The following HTD2 variants were observed in gnomAD, a reference collection of about 807,000 sequenced individuals.
HTD2 encodes the protein hydroxyacyl-thioester dehydratase type 2, mitochondrial.
A neutral mutation model predicts 3.1 loss-of-function variants in HTD2; 1 was observed. The observed-to-expected ratio is 0.32, with a 90% CI of 0.11 to 1.52. HTD2 has a LOEUF of 1.52. Among genes scored for constraint, HTD2 ranks in the 40% most tolerant of loss-of-function variants. The probability of loss-of-function intolerance (pLI) is 0.39; values close to 1 mark genes in which losing one functional copy is unlikely to be tolerated. For synonymous variants in HTD2, 50 were observed against 28.9 expected, an observed-to-expected ratio of 1.73 and a Z score of -2.34; for missense variants, 150 against 79.6, an observed-to-expected ratio of 1.88 and a Z score of -3.36.
chr3:58,308,923 G>A (rs1035348345), intron 1 of HTD2, among the ~76,000 whole-genome samples: 12 of 152,240 alleles, frequency 7.9e-5, no homozygotes, highest in Non-Finnish European at 1.3e-4. Flanking sequence ...AGCAAGGTTG[G>A]CATGGAGCCA....
At position 58,307,000 on chromosome 3, in the gene HTD2, T is replaced by G. The variant is rs138575294; in HGVS notation, c.-416+349T>G. Reference sequence around the variant, plus strand: ...GCACTGGGCCAACCCGATTGAGATTTGAGCTAAGCCAGGAAGGGGGCAAGG... The same window carrying G: ...GCACTGGGCCAACCCGATTGAGATTGGAGCTAAGCCAGGAAGGGGGCAAGG... On this transcript the variant is annotated intron_variant, in intron 1 of 4. Transcript: ENST00000461393. Among the ~76,000 whole-genome samples, 34 of 152,140 alleles carry G rather than the reference T, an allele frequency of 2.2e-4. 1 individual carries two copies. Among genetic ancestry groups the G allele is most frequent in the African/African-American group, 8.2e-4 (34 of 41,508 alleles).
intron 1 of HTD2, among the ~76,000 whole-genome samples, chr3:58,309,147 C>G (rs1039909538): frequency 6.6e-6 from 1 of 152,142 alleles, no homozygotes; most frequent in Non-Finnish European, 1.5e-5. Flanking sequence ...AACGACCATC[C>G]CTCATTCTTC....
In HTD2 at chr3:58,319,285, C is replaced by T. The variant is rs561866267; in HGVS notation, c.*1165C>T. 5 of 152,256 alleles carry T rather than the reference C, an allele frequency of 3.3e-5. No individual in the cohort carries two copies. The East Asian group carries it at 5.8e-4, about 18-fold the overall frequency. The allele number at this position is 152,256 out of a possible 1,614,324, so 9.4% of individuals were successfully genotyped here. Reference sequence around the variant, plus strand: ...TGAGACTTGCGTTTCAGGGGAGGGGCGTATGTGCATCCTCGGTCTCAGTTA... The same window carrying T: ...TGAGACTTGCGTTTCAGGGGAGGGGTGTATGTGCATCCTCGGTCTCAGTTA... On this transcript the variant is annotated 3_prime_UTR_variant, in exon 5 of 5. Coordinates refer to ENST00000461393, the MANE Select transcript of HTD2 (RefSeq NM_001348712.2).
rs1358811064 is a variant in HTD2 at position 58,320,069 on chromosome 3, A to G, written c.*1949A>G. Reference sequence around the variant, plus strand: ...TGGACATTTCATAAAAGTTCATACAATGTATGATCCTTTGGAACTGGCTTC... The same window carrying G: ...TGGACATTTCATAAAAGTTCATACAGTGTATGATCCTTTGGAACTGGCTTC... On this transcript the variant is annotated 3_prime_UTR_variant, in exon 5 of 5. Coordinates refer to ENST00000461393, the MANE Select transcript of HTD2 (RefSeq NM_001348712.2). 1 of 152,138 alleles carries G rather than the reference A, an allele frequency of 6.6e-6. No individual in the cohort carries two copies. The highest frequency in any genetic ancestry group is 1.5e-5 in the Non-Finnish European group (1 of 68,026). 9.4% of individuals were successfully genotyped at this position (152,138 alleles called of 1,614,324 possible). A position where few individuals can be genotyped will look rare whatever the true frequency, so the allele number is the denominator to read the frequency against.
At chr3:58,309,997 T>C in intron 1 of HTD2, 1 of 239,604 alleles carries the variant, frequency 4.2e-6, no homozygotes, top group Non-Finnish European at 8.2e-6. Flanking sequence ...CCCAGGAGTT[T>C]GAAACCAGCC....
intron 1 of HTD2, chr3:58,310,256 T>A: frequency 2.1e-6 from 3 of 1,406,230 alleles, no homozygotes; most frequent in East Asian, 2.3e-5. Context: ...TCATCAAAAC[T>A]CTGAAAAATA....
chr3:58,309,469 A>T (rs1005728468), intron 1 of HTD2, among the ~76,000 whole-genome samples: 2 of 152,254 alleles, frequency 1.3e-5, no homozygotes, highest in East Asian at 3.8e-4. Flanking sequence ...AGCCAAAATT[A>T]TGTTGTTATG....
Position 58,315,070 on chromosome 3 carries a change from C to G in HTD2, c.-330-1445C>G, listed in dbSNP as rs148718565. Among the ~76,000 whole-genome samples, 19 of 152,258 alleles carry G rather than the reference C, an allele frequency of 1.2e-4. No individual in the cohort carries two copies. In the East Asian group the frequency reaches 3.7e-3, roughly 29 times the overall value. On this transcript the variant is annotated intron_variant, in intron 2 of 4. Transcript: ENST00000461393. ...GGCATCTGTTCCAGAGGACTGAAAA[C>G]TTAAGTTCACACAAAAGCCTGTACA...
At chr3:58,314,397 C>G (rs186474762) in intron 2 of HTD2, among the ~76,000 whole-genome samples, 2 of 152,138 alleles carry the variant, frequency 1.3e-5, no homozygotes, top group Admixed American at 6.5e-5. Flanking sequence ...CAGAACTCAA[C>G]CAAACAATTC....
intron 4 of HTD2, 84 bp downstream of exon 4, chr3:58,317,077 T>A: frequency 2.0e-6 from 2 of 985,760 alleles, no homozygotes; most frequent in Non-Finnish European, 3.2e-6. Flanking sequence ...ATTTTTGTGC[T>A]TGCATAAATG....
chr3:58,319,662 T>C lies in HTD2; in HGVS notation c.*1542T>C, dbSNP rs570721782. On this transcript the variant is annotated 3_prime_UTR_variant, in exon 5 of 5. Coordinates refer to ENST00000461393, the MANE Select transcript of HTD2 (RefSeq NM_001348712.2). ...AAAAAAAAATTGTAAGAAATAAATATTAAGAAGATTATGGAGGCCAAATTC... is the reference window on the plus strand; with the variant it reads ...AAAAAAAAATTGTAAGAAATAAATACTAAGAAGATTATGGAGGCCAAATTC... The C allele has an allele frequency of 6.6e-6, 1 of 152,070 alleles. No homozygotes were observed. The highest frequency in any genetic ancestry group is 2.4e-5 in the African/African-American group (1 of 41,462). 9.4% of individuals were successfully genotyped at this position (152,070 alleles called of 1,614,324 possible). A position where few individuals can be genotyped will look rare whatever the true frequency, so the allele number is the denominator to read the frequency against.
At chr3:58,308,477 G>C (rs2097478149) in intron 1 of HTD2, among the ~76,000 whole-genome samples, 1 of 150,004 alleles carries the variant, frequency 6.7e-6, no homozygotes, top group Non-Finnish European at 1.5e-5. Context: ...TTTTTTTTTA[G>C]TGACAGGGTC....
At chr3:58,306,987 C>T (rs73835145) in intron 1 of HTD2, among the ~76,000 whole-genome samples, 10 of 152,096 alleles carry the variant, frequency 6.6e-5, no homozygotes, top group Non-Finnish European at 1.5e-4. Context: ...ACTGGGCCAA[C>T]CCGATTGAGA....
chr3:58,307,710 A>G (rs1002832098), intron 1 of HTD2: 1 of 152,338 alleles, frequency 6.6e-6, no homozygotes, highest in East Asian at 1.9e-4. Flanking sequence ...AACAAGACTG[A>G]CTTTAAAGAT....
intron 2 of HTD2, among the ~76,000 whole-genome samples, chr3:58,311,663 C>T (rs4336086): frequency 0.36 from 54,114 of 149,310 alleles, 10,616 homozygotes; most frequent in East Asian, 0.81. Context: ...TTAAGTTCTA[C>T]ATTTTGCCTA....
chr3:58,310,898 C>A (rs1409109977), intron 2 of HTD2, among the ~76,000 whole-genome samples: 3 of 149,832 alleles, frequency 2.0e-5, no homozygotes, highest in African/African-American at 7.4e-5. Flanking sequence ...CCACTGCACT[C>A]CAGCCTGGCA....
Position 58,316,839 on chromosome 3 carries a change from AT to A in HTD2, c.-253-72del, listed in dbSNP as rs556173715. ...TATAGTTGCAAAGTCAGAAGTGAATATTTTAGAAACCTTAGTTGAAGTTCAT... is the reference window on the plus strand; with the variant it reads ...TATAGTTGCAAAGTCAGAAGTGAATATTTAGAAACCTTAGTTGAAGTTCAT... On this transcript the variant is annotated intron_variant, in intron 3 of 4. Coordinates refer to ENST00000461393, the MANE Select transcript of HTD2 (RefSeq NM_001348712.2). 2.6e-4 allele frequency: 325 copies of A among 1,272,724 alleles called. 1 individual carries two copies. The African/African-American group carries it at 3.8e-3, about 15-fold the overall frequency. The allele number at this position is 1,272,724 out of a possible 1,614,324, so 78.8% of individuals were successfully genotyped here. A position where few individuals can be genotyped will look rare whatever the true frequency, so the allele number is the denominator to read the frequency against.
intron 2 of HTD2, among the ~76,000 whole-genome samples, chr3:58,313,413 G>T (rs1013750342): frequency 1.3e-5 from 2 of 152,220 alleles, no homozygotes; most frequent in African/African-American, 4.8e-5. Flanking sequence ...AGTTTCAGAA[G>T]TTGAAAGAAG....
In HTD2 at chr3:58,317,425, TTCTTTC is replaced by T; in HGVS notation, c.-174-10_-174-5del. The T allele has an allele frequency of 6.4e-7, 1 of 1,574,554 alleles. No homozygotes were observed. Among genetic ancestry groups the T allele is most frequent in the Non-Finnish European group, 8.7e-7 (1 of 1,147,336 alleles). ...GGTTTCTCCCAATGCCTTAACCTTT[TTCTTTC>T]TCTTCTAGGTTTCTCCATTTCTTCT... On this transcript the variant is annotated splice_polypyrimidine_tract_variant and intron_variant, in intron 4 of 4. Transcript: ENST00000461393.
Sources: allele counts gnomAD v4.1 joint callset (sites outside exome capture counted in the v4.1 genomes callset), GRCh38; gene constraint gnomAD v4.1.1; transcripts MANE v1.5; gene names NCBI Gene and HGNC (gene_info 2026-07-23, HGNC 2026-07-21).